The following USP4 variants were observed in gnomAD, a reference collection of about 807,000 sequenced individuals.
USP4 encodes ubiquitin specific peptidase 4.
USP4 carries 72 observed loss-of-function variants against 118.2 expected under a neutral mutation model. The ratio of observed to expected loss-of-function variants is 0.61; its 90% CI spans 0.50 to 0.74. USP4 has a LOEUF of 0.74. Ranked by LOEUF, USP4 falls within the 30% of genes least tolerant of loss-of-function variation. USP4 has a pLI of 0.00. For missense variants in USP4, 1,037 were observed against 1,185.7 expected (o/e 0.87, Z 1.84); for synonymous variants, 415 against 440.4 (o/e 0.94, Z 0.72).
chr3:49,338,432 G>C (rs1269209197), intron 1 of USP4, among the ~76,000 whole-genome samples: 1 of 151,920 alleles, frequency 6.6e-6, no homozygotes, highest in Non-Finnish European at 1.5e-5. Context: ...GGCCACAGCG[G>C]GCGATCACCT....
chr3:49,319,452 T>G (rs140062776), intron 6 of USP4, among the ~76,000 whole-genome samples: 1,593 of 152,020 alleles, frequency 0.01, 26 homozygotes, highest in African/African-American at 0.037. Context: ...GGTTTCACCA[T>G]ATTGGCCCAG....
At chr3:49,280,235 G>T (rs1406139988) in intron 20 of USP4, among the ~76,000 whole-genome samples, 1 of 151,764 alleles carries the variant, frequency 6.6e-6, no homozygotes, top group Non-Finnish European at 1.5e-5. Flanking sequence ...CTGCTTTCCA[G>T]CCTGGGTGAC....
At chr3:49,290,086 T>A (rs894479785) in intron 15 of USP4, among the ~76,000 whole-genome samples, 5 of 151,954 alleles carry the variant, frequency 3.3e-5, no homozygotes, top group Non-Finnish European at 7.4e-5. Flanking sequence ...TGCGCCACTG[T>A]ATTCCAGCCA....
chr3:49,325,770 T>A lies in USP4; in HGVS notation c.436A>T (p.Ser146Cys). Reference protein sequence around the residue: ...YLLELKLCENSDPTNVLSCHF... With the variant: ...YLLELKLCENCDPTNVLSCHF... ...CAACTCAGCACATTGGTGGGGTCAC[T>A]GTTCTCACAGAGCTTCAGTTCCAGC... The change falls in exon 4 of 22, where the codon AGT becomes TGT. Residue 146 changes from serine to cysteine, a missense_variant. Ser to Cys is a moderately radical substitution (Grantham distance 112, BLOSUM62 -1). Around this residue, in one of 3 missense-constraint regions of USP4, gnomAD observed 487 missense variants for 534.1 expected, o/e 0.91. Transcript: ENST00000265560. 3 of 1,614,066 alleles carry A rather than the reference T, an allele frequency of 1.9e-6. No homozygotes were observed. The highest frequency in any genetic ancestry group is 1.7e-4 in the Middle Eastern group (1 of 6,056).
At chr3:49,328,457 A>G (rs1322765723) in intron 2 of USP4, among the ~76,000 whole-genome samples, 1 of 152,182 alleles carries the variant, frequency 6.6e-6, no homozygotes. Flanking sequence ...TTGTCATTTC[A>G]ACAATGCTCA....
chr3:49,292,827 C>T (rs1435867379), intron 14 of USP4, among the ~76,000 whole-genome samples: 3 of 151,990 alleles, frequency 2.0e-5, no homozygotes, highest in Admixed American at 6.6e-5. Context: ...GTCAGGAGTT[C>T]GAGACCAGCC....
chr3:49,321,478 C>CT (rs779995480), intron 6 of USP4, among the ~76,000 whole-genome samples: 168 of 144,122 alleles, frequency 1.2e-3, no homozygotes, highest in African/African-American at 1.1e-3. Flanking sequence ...ATTATTGTAC[C>CT]TTTTTTTTTT....
At chr3:49,311,877 T>C (rs1254596651) in intron 6 of USP4, 1 of 1,210,000 alleles carries the variant, frequency 8.3e-7, no homozygotes, top group Non-Finnish European at 1.0e-6. Flanking sequence ...ACATACCCTT[T>C]CAGTGTGAAA....
intron 8 of USP4, among the ~76,000 whole-genome samples, chr3:49,306,235 C>T (rs954652634): frequency 8.2e-5 from 11 of 134,064 alleles, no homozygotes; most frequent in East Asian, 2.1e-4. Context: ...GAGACAGTTT[C>T]GATCTTGTCC....
At chr3:49,328,268 G>T (rs921330633) in intron 2 of USP4, among the ~76,000 whole-genome samples, 2 of 151,890 alleles carry the variant, frequency 1.3e-5, no homozygotes, top group Non-Finnish European at 2.9e-5. Context: ...TGAGGCAGGA[G>T]AATTGCTTGA....
chr3:49,280,152 A>T (rs2047002912), intron 20 of USP4, among the ~76,000 whole-genome samples: 1 of 151,786 alleles, frequency 6.6e-6, no homozygotes, highest in South Asian at 2.1e-4. Context: ...AATCCCAGCT[A>T]CTCGGCAGGC....
chr3:49,330,891 G>A (rs1431914793), intron 2 of USP4, among the ~76,000 whole-genome samples: 9 of 151,620 alleles, frequency 5.9e-5, no homozygotes, highest in South Asian at 2.1e-4. Context: ...GGCACCAGGC[G>A]CCTGTGATCC....
At chr3:49,307,174 G>A (rs1057261620) in intron 8 of USP4, among the ~76,000 whole-genome samples, 3 of 152,156 alleles carry the variant, frequency 2.0e-5, no homozygotes, top group Admixed American at 2.0e-4. Flanking sequence ...TAGGCCAGGT[G>A]TGGTAGTTCA....
At chr3:49,285,637 C>T (rs1206626051) in intron 16 of USP4, among the ~76,000 whole-genome samples, 2 of 152,120 alleles carry the variant, frequency 1.3e-5, no homozygotes, top group African/African-American at 4.8e-5. Context: ...TTCACACAAC[C>T]CCTCAGAATG....
In USP4 at chr3:49,299,207, A is replaced by G. The variant is rs59913304; in HGVS notation, c.1513-572T>C. On this transcript the variant is annotated intron_variant, in intron 11 of 21. Transcript: ENST00000265560. The stretch of plus-strand genomic sequence containing the variant: ...CGGGTTCAAGCGATTCTCCTGCCTC[A>G]GCCTCCTGAGTAGCTGGGATTACAG... Among the ~76,000 whole-genome samples, 985 of 151,970 alleles carry G rather than the reference A, an allele frequency of 6.5e-3. 14 individuals carry two copies. The highest frequency in any genetic ancestry group is 0.023 in the African/African-American group (934 of 41,420).
rs754135910 is a variant in USP4 at position 49,330,200 on chromosome 3, A to AAAC, written c.230-2385_230-2384insGTT. On this transcript the variant is annotated intron_variant, in intron 2 of 21. Transcript: ENST00000265560. ...CAAACAAACAAACAAACAAACAAAC[A>AAAC]AAAAAAGTTGAAATTACTTCTTGAC... Among the ~76,000 whole-genome samples the AAAC allele has an allele frequency of 5.3e-5, 8 of 151,888 alleles. No individual in the cohort carries two copies. In the East Asian group the frequency reaches 5.8e-4, roughly 11 times the overall value.
chr3:49,302,159 T>C (rs1311666267), intron 10 of USP4, among the ~76,000 whole-genome samples: 1 of 143,500 alleles, frequency 7.0e-6, no homozygotes, highest in Non-Finnish European at 1.5e-5. Flanking sequence ...GAGACCAGCC[T>C]AGACAACACA....
intron 6 of USP4, among the ~76,000 whole-genome samples, chr3:49,319,311 C>T (rs1164051277): frequency 4.6e-5 from 7 of 151,982 alleles, no homozygotes; most frequent in East Asian, 2.0e-4. Flanking sequence ...TGCAGTGGCG[C>T]GATCTCGGCT....
chr3:49,317,256 T>TGCCAGGTTCTCGTTGACGCGG (rs1559475742), intron 6 of USP4: 7 of 1,540,440 alleles, frequency 4.5e-6, no homozygotes, highest in South Asian at 2.3e-5. Context: ...CAATCTTGCG[T>TGCCAGGTTCTCGTTGACGCGG]GCCAGGTTCT....
Sources: allele counts gnomAD v4.1 joint callset (sites outside exome capture counted in the v4.1 genomes callset), GRCh38; gene constraint gnomAD v4.1.1; regional missense constraint gnomAD v4.1.1; transcripts MANE v1.5; gene names NCBI Gene and HGNC (gene_info 2026-07-23, HGNC 2026-07-21).